COL4A1: variants seen among roughly 807,000 people sequenced by gnomAD.
COL4A1 encodes the protein collagen type IV alpha 1 chain.
In COL4A1, 40 loss-of-function variants were observed where a neutral mutation model predicts 216.6. The observed-to-expected ratio is 0.18, with a 90% CI of 0.14 to 0.24. COL4A1 has a LOEUF of 0.24. Among genes scored for constraint, COL4A1 ranks in the 10% least tolerant of loss-of-function variants. The pLI, the probability that COL4A1 is intolerant of heterozygous loss-of-function variation, is 1.00. For missense variants in COL4A1, 1,628 were observed against 2,196.8 expected (o/e 0.74, Z 5.18); for synonymous variants, 839 against 810.7 (o/e 1.03, Z -0.59).
intron 1 of COL4A1, among the ~76,000 whole-genome samples, chr13:110,276,555 C>T (rs1883439130): frequency 6.6e-6 from 1 of 152,168 alleles, no homozygotes; most frequent in Non-Finnish European, 1.5e-5. Context: ...TTACTACAAA[C>T]TAAATCCAAA....
At chr13:110,166,807 G>A (rs1237362710) in intron 44 of COL4A1, among the ~76,000 whole-genome samples, 1 of 152,158 alleles carries the variant, frequency 6.6e-6, no homozygotes, top group African/African-American at 2.4e-5. Flanking sequence ...CCTTTCACGT[G>A]TATCTGACTC....
In COL4A1 at chr13:110,155,373, G is replaced by A; in HGVS notation, c.4665C>T (p.Ala1555=). ...TCTGGCTGTGCACGGCCATCACCATGGCAGGCGCCTCACACACAGCACACC... is the reference window on the plus strand; with the variant it reads ...TCTGGCTGTGCACGGCCATCACCATAGCAGGCGCCTCACACACAGCACACC... ...ISRCAVCEAP[A]MVMAVHSQTI... Residue 1555 remains alanine (A), a synonymous_variant, in exon 50 of 52, where the codon GCC becomes GCT. Transcript: ENST00000375820. 1 of 1,614,160 alleles carries A rather than the reference G, an allele frequency of 6.2e-7. No homozygotes were observed. The highest frequency in any genetic ancestry group is 8.5e-7 in the Non-Finnish European group (1 of 1,179,994).
At position 110,244,246 on chromosome 13, in the gene COL4A1, T is replaced by G. The variant is rs534198525; in HGVS notation, c.85-1512A>C. ...AAACAATCACATCTGGAGATATTTATTTTGTAAAGCTAAATCTGAACAAGT... is the reference window on the plus strand; with the variant it reads ...AAACAATCACATCTGGAGATATTTAGTTTGTAAAGCTAAATCTGAACAAGT... On this transcript the variant is annotated intron_variant, in intron 1 of 51. Coordinates refer to ENST00000375820, the MANE Select transcript of COL4A1 (RefSeq NM_001845.6). 1.1e-4 allele frequency among the ~76,000 whole-genome samples: 17 copies of G among 152,300 alleles called. 1 individual carries two copies. In the South Asian group the frequency reaches 3.5e-3, roughly 32 times the overall value.
At chr13:110,195,154 T>G (rs1878830446) in intron 21 of COL4A1, 36 bp from the exon 22 acceptor site, 1 of 1,574,732 alleles carries the variant, frequency 6.4e-7, no homozygotes, top group African/African-American at 1.3e-5. Flanking sequence ...GGATCATAGC[T>G]AGGTGTTTTT....
rs1277853334 is a variant in COL4A1 at position 110,219,675 on chromosome 13, T to TATATGCATATAC, written c.145-5661_145-5660insGTATATGCATAT. On this transcript the variant is annotated intron_variant, in intron 2 of 51. Transcript: ENST00000375820. ...ATATATATATATGTATATATATATA[T>TATATGCATATAC]ATGTGTATATATATGTATATATATG... Among the ~76,000 whole-genome samples the TATATGCATATAC allele has an allele frequency of 8.8e-5, 7 of 79,378 alleles. No homozygotes were observed. The East Asian group carries it at 2.0e-3, about 23-fold the overall frequency. 52.1% of individuals were successfully genotyped at this position (79,378 alleles called of 152,430 possible).
chr13:110,289,061 G>A (rs1020862133), intron 1 of COL4A1, among the ~76,000 whole-genome samples: 2 of 152,158 alleles, frequency 1.3e-5, no homozygotes, highest in African/African-American at 2.4e-5. Flanking sequence ...GCGTGTCACA[G>A]GCCTAGCCCT....
chr13:110,270,752 G>A (rs918683582), intron 1 of COL4A1, among the ~76,000 whole-genome samples: 3 of 152,182 alleles, frequency 2.0e-5, no homozygotes, highest in African/African-American at 7.2e-5. Flanking sequence ...CTCTAACAGC[G>A]ACCATTTACT....
Position 110,306,943 on chromosome 13 carries a change from C to A in COL4A1, c.84+1G>T. The A allele has an allele frequency of 6.8e-7, 1 of 1,471,982 alleles. No homozygotes were observed. The highest frequency in any genetic ancestry group is 1.3e-5 in the South Asian group (1 of 77,156). 91.2% of individuals were successfully genotyped at this position (1,471,982 alleles called of 1,614,324 possible). A position where few individuals can be genotyped will look rare whatever the true frequency, so the allele number is the denominator to read the frequency against. ...GGGAGCGGAGCTGGCCGGGAACTCA[C>A]CTTCGCAGCGGCCCGGCTGTGCTCC... is the stretch of plus-strand genomic sequence containing the variant. On this transcript the variant is annotated splice_donor_variant, in intron 1 of 51. Transcript: ENST00000375820. LOFTEE classifies it high-confidence loss of function.
At chr13:110,203,249 T>A (rs1879328339) in intron 18 of COL4A1, among the ~76,000 whole-genome samples, 1 of 152,134 alleles carries the variant, frequency 6.6e-6, no homozygotes, top group Non-Finnish European at 1.5e-5. Flanking sequence ...GCTAATATTC[T>A]CATTCATGTG....
intron 2 of COL4A1, among the ~76,000 whole-genome samples, chr13:110,240,963 G>A (rs1366861877): frequency 6.6e-6 from 1 of 152,160 alleles, no homozygotes; most frequent in African/African-American, 2.4e-5. Context: ...TCCGCCTCCT[G>A]GGTTCAAGCA....
At chr13:110,183,149 C>T (rs778593923) in intron 27 of COL4A1, 35 bp downstream of exon 27, 16 of 1,612,832 alleles carry the variant, frequency 9.9e-6, no homozygotes, top group South Asian at 4.4e-5. Flanking sequence ...AGGAAACTCT[C>T]GTGGTATCCC....
Position 110,206,670 on chromosome 13 carries a change from G to A in COL4A1, c.853C>T (p.Pro285Ser). The A allele has an allele frequency of 6.2e-7, 1 of 1,614,150 alleles. No homozygotes were observed. ...GEKGEPGKPG[P>S]RGKPGKDGDK... ...GGACTTTGGAAAGCACTTACTCTGGGTCCTGGTTTTCCGGGTTCACCTTTC... is the reference window on the plus strand; with the variant it reads ...GGACTTTGGAAAGCACTTACTCTGGATCCTGGTTTTCCGGGTTCACCTTTC... Residue 285 changes from proline to serine, a missense_variant, in exon 15 of 52, where the codon CCC (proline) becomes TCC (serine). By Grantham distance (74) the Pro-to-Ser change is moderately conservative (BLOSUM62 -1). This residue lies in a region of COL4A1 where 701 missense variants were observed against 892.5 expected (regional missense o/e 0.79). Coordinates refer to ENST00000375820, the MANE Select transcript of COL4A1 (RefSeq NM_001845.6).
rs943734573 is a variant in COL4A1 at position 110,222,772 on chromosome 13, T to TA, written c.145-8758dup. ...TGGGCGACAGAGCCAGACTCTGCTTTAAAAAAAAAAAAAAAAAAAAAAAAA... is the reference window on the plus strand; with the variant it reads ...TGGGCGACAGAGCCAGACTCTGCTTTAAAAAAAAAAAAAAAAAAAAAAAAAA... On this transcript the variant is annotated intron_variant, in intron 2 of 51. Transcript: ENST00000375820. Among the ~76,000 whole-genome samples, 120 of 92,052 alleles carry TA rather than the reference T, an allele frequency of 1.3e-3. 2 individuals are homozygous for TA. Among genetic ancestry groups the TA allele is most frequent in the African/African-American group, 4.8e-3 (113 of 23,508 alleles). 60.4% of individuals were successfully genotyped at this position (92,052 alleles called of 152,430 possible). A position where few individuals can be genotyped will look rare whatever the true frequency, so the allele number is the denominator to read the frequency against.
At chr13:110,186,328 CCTG>C in intron 26 of COL4A1, 54 bp downstream of exon 26, 1 of 1,607,750 alleles carries the variant, frequency 6.2e-7, no homozygotes, top group Non-Finnish European at 8.5e-7. Flanking sequence ...ACCCGAGGTG[CCTG>C]CCCTAACCTC....
At position 110,307,020 on chromosome 13, in the gene COL4A1, G is replaced by T; in HGVS notation, c.8C>A (p.Pro3His). 6.8e-7 allele frequency: 1 copy of T among 1,466,152 alleles called. No individual in the cohort carries two copies. The highest frequency in any genetic ancestry group is 1.5e-5 in the African/African-American group (1 of 68,238). The allele number at this position is 1,466,152 out of a possible 1,614,324, so 90.8% of individuals were successfully genotyped here. The part of the protein sequence containing the change: MG[P>H]RLSVWLLLLP... ...CAGCAGCAGCCAGACGCTGAGCCGG[G>T]GCCCCATGGTGGCGCGCCCGAGGCG... The change falls in exon 1 of 52, where the codon CCC becomes CAC. Residue 3 changes from proline (P) to histidine (H), a missense_variant. Pro to His is a moderately conservative substitution (Grantham distance 77, BLOSUM62 -2). Transcript: ENST00000375820. The surrounding 1 kb of genome is among the most constrained non-coding windows in gnomAD (Gnocchi z 5.0).
At chr13:110,260,094 C>T (rs971149295) in intron 1 of COL4A1, among the ~76,000 whole-genome samples, 1 of 152,128 alleles carries the variant, frequency 6.6e-6, no homozygotes, top group African/African-American at 2.4e-5. Flanking sequence ...CTGTATTAGT[C>T]TGTTCTCACA....
At chr13:110,156,018 G>C (rs865912810) in intron 49 of COL4A1, among the ~76,000 whole-genome samples, 2 of 152,210 alleles carry the variant, frequency 1.3e-5, no homozygotes, top group South Asian at 2.1e-4. Flanking sequence ...AGCTATGCTC[G>C]GCCTGCCTGT....
At chr13:110,152,615 A>G in intron 50 of COL4A1, 109 bp from the exon 51 acceptor site, 1 of 1,272,536 alleles carries the variant, frequency 7.9e-7, no homozygotes, top group Non-Finnish European at 1.1e-6. Context: ...AAAGCCACAC[A>G]CTGCAGCCTC....
rs150804035 is a variant in COL4A1, at chr13:110,194,494, G to A, written c.1381+529C>T. Among the ~76,000 whole-genome samples the A allele has an allele frequency of 5.6e-3, 857 of 152,194 alleles. 8 individuals are homozygous for A. Among genetic ancestry groups the A allele is most frequent in the African/African-American group, 0.019 (789 of 41,530 alleles). On this transcript the variant is annotated intron_variant, in intron 22 of 51. Coordinates refer to ENST00000375820, the MANE Select transcript of COL4A1 (RefSeq NM_001845.6). ...GAAGAGATAAATAAGTGTCCTGTGC[G>A]GGTAGTAAGGCAAACACTTGGAAAG...
Sources: gnomAD v4.1 joint callset for allele counts (sites outside exome capture counted in the v4.1 genomes callset) on GRCh38, gnomAD v4.1.1 for gene constraint, gnomAD v4.1.1 regional missense constraint, Gnocchi (gnomAD v3.1) non-coding constraint, MANE v1.5 for transcripts, NCBI Gene and HGNC (gene_info 2026-07-23, HGNC 2026-07-21) for gene names.